The following CSMD3 variants were observed in gnomAD, a reference collection of about 807,000 sequenced individuals.
The protein encoded by CSMD3 is CUB and Sushi multiple domains 3, also known as CUB and sushi domain-containing protein 3.
CSMD3 carries 177 observed loss-of-function variants against 435.2 expected under a neutral mutation model. That is an observed-to-expected ratio of 0.41 (90% CI 0.36 to 0.46). CSMD3 has a LOEUF of 0.46. CSMD3 is among the 20% of genes least tolerant of loss of function. CSMD3 has a pLI of 0.34. For missense variants in CSMD3, 4,265 were observed against 4,504.6 expected, an observed-to-expected ratio of 0.95 and a Z score of 1.52; for synonymous variants, 1,656 against 1,520.5, an observed-to-expected ratio of 1.09 and a Z score of -2.07.
intron 6 of CSMD3, 124 bp downstream of exon 6, chr8:113,018,943 C>A (rs183529905): frequency 2.8e-6 from 2 of 727,114 alleles, no homozygotes; most frequent in East Asian, 5.3e-5. Flanking sequence ...AACAGCATGA[C>A]CATTTTTTTC....
At chr8:112,957,058 A>G (rs1408477573) in intron 7 of CSMD3, among the ~76,000 whole-genome samples, 4 of 152,094 alleles carry the variant, frequency 2.6e-5, no homozygotes, top group Non-Finnish European at 4.4e-5. Context: ...AGAATAATGT[A>G]TATCTCCTAA....
chr8:113,055,763 G>A (rs2088304820), intron 5 of CSMD3, among the ~76,000 whole-genome samples: 1 of 152,168 alleles, frequency 6.6e-6, no homozygotes, highest in South Asian at 2.1e-4. Context: ...AGAGTTTCTT[G>A]AGTATATCTC....
chr8:113,109,885 GCCATGACC>G (rs1447190379), intron 4 of CSMD3, among the ~76,000 whole-genome samples: 1 of 152,168 alleles, frequency 6.6e-6, no homozygotes, highest in Non-Finnish European at 1.5e-5. Flanking sequence ...AATGAAGGCA[GCCATGACC>G]CCATAACTTT....
At chr8:112,880,831 G>T (rs1186519030) in intron 10 of CSMD3, among the ~76,000 whole-genome samples, 3 of 151,926 alleles carry the variant, frequency 2.0e-5, no homozygotes, top group African/African-American at 7.3e-5. Flanking sequence ...TATACAGATG[G>T]ATTTAAGAGA....
Position 112,301,126 on chromosome 8 carries a change from C to T in CSMD3, c.8440+667G>A, listed in dbSNP as rs905834744. On this transcript the variant is annotated intron_variant, in intron 53 of 70. Transcript: ENST00000297405. ...AAAACAAAGCATAAATAGCATAAATCATACTATTTTCTTAATATTAAATAA... is the reference window on the plus strand; with the variant it reads ...AAAACAAAGCATAAATAGCATAAATTATACTATTTTCTTAATATTAAATAA... Among the ~76,000 whole-genome samples, 7 of 151,838 alleles carry T rather than the reference C, an allele frequency of 4.6e-5. No homozygotes were observed. In the South Asian group the frequency reaches 8.3e-4, roughly 18 times the overall value.
chr8:112,359,912 G>T (rs910514157), intron 38 of CSMD3, among the ~76,000 whole-genome samples: 1 of 151,956 alleles, frequency 6.6e-6, no homozygotes, highest in Non-Finnish European at 1.5e-5. Flanking sequence ...ATGTTTAAGG[G>T]TTTACAACTT....
Position 112,479,091 on chromosome 8 carries a change from T to C in CSMD3, c.5279-6384A>G, listed in dbSNP as rs141582970. 9.9e-4 allele frequency among the ~76,000 whole-genome samples: 150 copies of C among 152,268 alleles called. 1 individual carries two copies. The East Asian group carries it at 0.027, about 27-fold the overall frequency. On this transcript the variant is annotated intron_variant, in intron 31 of 70. Coordinates refer to ENST00000297405, the MANE Select transcript of CSMD3 (RefSeq NM_198123.2). ...TCCTTCTTGGGTTCAGTACAAGAGC[T>C]AGGGAACTACCAACTGCGAGTACAA...
intron 19 of CSMD3, 107 bp from the exon 20 acceptor site, chr8:112,645,332 T>A: frequency 2.7e-6 from 2 of 746,708 alleles, no homozygotes; most frequent in Non-Finnish European, 4.9e-6. Flanking sequence ...TCTTTGCTTA[T>A]GCTACCTCCT....
At chr8:112,382,937 G>A (rs1387143127) in intron 37 of CSMD3, among the ~76,000 whole-genome samples, 1 of 152,184 alleles carries the variant, frequency 6.6e-6, no homozygotes, top group Non-Finnish European at 1.5e-5. Context: ...GTTGCAGTGA[G>A]CTGAGATCTC....
At chr8:112,967,469 AACT>A in intron 7 of CSMD3, among the ~76,000 whole-genome samples, 1 of 152,006 alleles carries the variant, frequency 6.6e-6, no homozygotes, top group African/African-American at 2.4e-5. Flanking sequence ...TCTCAAGTTA[AACT>A]GAAGCTTTTT....
chr8:112,629,178 CTG>C (rs2074440302), intron 22 of CSMD3, among the ~76,000 whole-genome samples: 1 of 152,030 alleles, frequency 6.6e-6, no homozygotes, highest in Admixed American at 6.6e-5. Flanking sequence ...ACAATGATTT[CTG>C]TGTTTTCTCA....
In CSMD3 at chr8:112,287,178, T is replaced by C. The variant is rs2130635571; in HGVS notation, c.9217A>G (p.Arg3073Gly). ...GHGSRQESNFRTKSTVRYACD... is the reference protein window; with the variant it reads ...GHGSRQESNFGTKSTVRYACD... Reference sequence around the variant, plus strand: ...GCATAACGTACAGTACTTTTAGTTCTGAAATTGCTTTCCTGTCTAGAGCCA... The same window carrying C: ...GCATAACGTACAGTACTTTTAGTTCCGAAATTGCTTTCCTGTCTAGAGCCA... Residue 3073 changes from arginine (R) to glycine (G), a missense_variant, in exon 58 of 71, where the codon AGA becomes GGA. By Grantham distance (125) the Arg-to-Gly change is moderately radical. Around this residue, in one of 3 missense-constraint regions of CSMD3, gnomAD observed 3,255 missense variants for 3,380.2 expected, o/e 0.96. Coordinates refer to ENST00000297405, the MANE Select transcript of CSMD3 (RefSeq NM_198123.2). 6.2e-7 allele frequency: 1 copy of C among 1,613,814 alleles called. No individual in the cohort carries two copies. The highest frequency in any genetic ancestry group is 8.5e-7 in the Non-Finnish European group (1 of 1,179,838).
intron 4 of CSMD3, among the ~76,000 whole-genome samples, chr8:113,116,015 T>C (rs2090815236): frequency 1.3e-5 from 2 of 152,188 alleles, no homozygotes; most frequent in Admixed American, 1.3e-4. Flanking sequence ...CCAGACACTG[T>C]ATCTGCCCAC....
intron 10 of CSMD3, among the ~76,000 whole-genome samples, chr8:112,899,627 ATATATG>A (rs1415786505): frequency 0.046 from 3,676 of 79,870 alleles, 89 homozygotes; most frequent in South Asian, 0.063. Flanking sequence ...ATATATATAT[ATATATG>A]TATATACATA....
chr8:112,568,824 T>A (rs976697399), intron 24 of CSMD3, among the ~76,000 whole-genome samples: 1 of 152,134 alleles, frequency 6.6e-6, no homozygotes, highest in Non-Finnish European at 1.5e-5. Flanking sequence ...CAGATATTAG[T>A]TCAGTATCTT....
chr8:113,178,905 G>A (rs1280141227), intron 3 of CSMD3, among the ~76,000 whole-genome samples: 1 of 151,856 alleles, frequency 6.6e-6, no homozygotes. Flanking sequence ...TCATAAATAT[G>A]AAGGAGAACT....
intron 59 of CSMD3, 31 bp downstream of exon 59, chr8:112,281,143 A>G (rs2130576149): frequency 6.7e-7 from 1 of 1,500,058 alleles, no homozygotes; most frequent in East Asian, 2.3e-5. Flanking sequence ...TCATATAATT[A>G]CTGATTTTTA....
intron 24 of CSMD3, among the ~76,000 whole-genome samples, chr8:112,562,633 A>G (rs1189098907): frequency 6.6e-6 from 1 of 151,536 alleles, no homozygotes; most frequent in African/African-American, 2.4e-5. Flanking sequence ...ATATTATATT[A>G]TTATGCAATA....
chr8:112,302,540 G>T (rs1477575850), intron 52 of CSMD3, among the ~76,000 whole-genome samples: 1 of 152,012 alleles, frequency 6.6e-6, no homozygotes, highest in Non-Finnish European at 1.5e-5. Flanking sequence ...TAACTGGCTT[G>T]CTGGGTCATA....
Sources: gnomAD v4.1 joint callset for allele counts (sites outside exome capture counted in the v4.1 genomes callset) on GRCh38, gnomAD v4.1.1 for gene constraint, gnomAD v4.1.1 regional missense constraint, MANE v1.5 for transcripts, NCBI Gene and HGNC (gene_info 2026-07-23, HGNC 2026-07-21) for gene names.